CTIF: variants seen among roughly 807,000 people sequenced by gnomAD.
CTIF encodes the protein cap binding complex dependent translation initiation factor.
CTIF carries 21 observed loss-of-function variants against 66.0 expected under a neutral mutation model. The ratio of observed to expected loss-of-function variants is 0.32; its 90% confidence interval spans 0.23 to 0.46. The LOEUF is 0.46. Among genes scored for constraint, CTIF ranks in the 20% least tolerant of loss-of-function variants. CTIF has a pLI of 1.00. For missense variants in CTIF, 739 were observed against 812.7 expected (o/e 0.91, Z 1.10); for synonymous variants, 345 against 326.4 (o/e 1.06, Z -0.62).
chr18:48,655,854 ACACT>A (rs2091239240), intron 3 of CTIF, among the ~76,000 whole-genome samples: 1 of 152,228 alleles, frequency 6.6e-6, no homozygotes, highest in South Asian at 2.1e-4. Context: ...TAGTTTCTAA[ACACT>A]CACAGCCTGG....
chr18:48,849,237 G>A (rs1015172033), intron 10 of CTIF, among the ~76,000 whole-genome samples: 3 of 139,486 alleles, frequency 2.2e-5, no homozygotes, highest in African/African-American at 8.2e-5. Flanking sequence ...TTACTCTGTC[G>A]GTCAGGCAGG....
intron 9 of CTIF, among the ~76,000 whole-genome samples, chr18:48,798,738 T>G (rs4939813): frequency 0.48 from 73,560 of 152,014 alleles, 19,111 homozygotes; most frequent in African/African-American, 0.69. Context: ...GGTGGGAGCA[T>G]TGGGCACCAT....
chr18:48,706,741 T>A (rs943103369), intron 6 of CTIF, among the ~76,000 whole-genome samples: 2 of 152,164 alleles, frequency 1.3e-5, no homozygotes, highest in Non-Finnish European at 2.9e-5. Flanking sequence ...CTCAGTGTCA[T>A]GTCTTCTGCA....
rs767418568 is a variant in CTIF at position 48,758,270 on chromosome 18, C to T, written c.936C>T (p.Pro312=). 13 of 1,613,412 alleles carry T rather than the reference C, an allele frequency of 8.1e-6. No individual in the cohort carries two copies. The highest frequency in any genetic ancestry group is 6.7e-5 in the Admixed American group (4 of 60,004). ...TLAPVASERL[P]PQQSGGPEVE... ...CCCCGGTGGCTTCTGAGCGGCTGCCCCCACAGCAGTCAGGGGGGCCAGAGG... is the reference window on the plus strand; with the variant it reads ...CCCCGGTGGCTTCTGAGCGGCTGCCTCCACAGCAGTCAGGGGGGCCAGAGG... The change falls in exon 8 of 12, where the codon CCC becomes CCT. Residue 312 remains proline, a synonymous_variant. Coordinates refer to ENST00000256413, the MANE Select transcript of CTIF (RefSeq NM_014772.3).
chr18:48,822,324 T>C (rs757050393), intron 10 of CTIF, among the ~76,000 whole-genome samples: 9 of 152,316 alleles, frequency 5.9e-5, no homozygotes, highest in Admixed American at 2.6e-4. Flanking sequence ...ACCTCGAGTA[T>C]TTATCATTTC....
rs1354134586 is a variant in CTIF at position 48,825,512 on chromosome 18, T to A, written c.1527+8136T>A. ...ATTCAATTGCTCACATTGTTTTGGC[T>A]CCAGGGGAAATCTGACCTCGGAAAA... On this transcript the variant is annotated intron_variant, in intron 10 of 11. Transcript: ENST00000256413. Among the ~76,000 whole-genome samples the A allele has an allele frequency of 2.6e-5, 4 of 152,206 alleles. No individual in the cohort carries two copies. The South Asian group carries it at 8.3e-4, about 32-fold the overall frequency.
intron 6 of CTIF, among the ~76,000 whole-genome samples, chr18:48,682,012 C>T (rs1280502501): frequency 6.6e-6 from 1 of 152,046 alleles, no homozygotes; most frequent in Non-Finnish European, 1.5e-5. Context: ...TCTTGAACTC[C>T]TGAGCTCAGG....
At chr18:48,801,526 G>A (rs577091630) in intron 9 of CTIF, among the ~76,000 whole-genome samples, 36 of 152,226 alleles carry the variant, frequency 2.4e-4, no homozygotes, top group Non-Finnish European at 4.7e-4. Context: ...ACCATCTGTG[G>A]CAAAGTTCAA....
At chr18:48,682,217 A>G (rs2091758246) in intron 6 of CTIF, among the ~76,000 whole-genome samples, 1 of 152,180 alleles carries the variant, frequency 6.6e-6, no homozygotes, top group Non-Finnish European at 1.5e-5. Flanking sequence ...TTCCTAGAGC[A>G]CAGCTGCCCC....
chr18:48,701,441 C>G (rs1229461748), intron 6 of CTIF, among the ~76,000 whole-genome samples: 6 of 152,124 alleles, frequency 3.9e-5, no homozygotes, highest in Non-Finnish European at 7.4e-5. Context: ...CAAGTCTTTC[C>G]TGGGTTCATG....
At chr18:48,790,019 G>A (rs1381061535) in intron 9 of CTIF, among the ~76,000 whole-genome samples, 1 of 152,230 alleles carries the variant, frequency 6.6e-6, no homozygotes, top group Non-Finnish European at 1.5e-5. Context: ...GATGATCACA[G>A]CTTCATTGCC....
chr18:48,565,043 T>C (rs2089248583), intron 1 of CTIF: 1 of 152,244 alleles, frequency 6.6e-6, no homozygotes. Context: ...GCATATTAAG[T>C]CAATTTCCTC....
chr18:48,815,057 A>G (rs1413284200), intron 9 of CTIF, among the ~76,000 whole-genome samples: 1 of 152,176 alleles, frequency 6.6e-6, no homozygotes, highest in African/African-American at 2.4e-5. Context: ...GTGGGCTCTG[A>G]TGCACTACTT....
At chr18:48,640,628 C>T (rs764860948) in intron 3 of CTIF, among the ~76,000 whole-genome samples, 2 of 152,220 alleles carry the variant, frequency 1.3e-5, no homozygotes, top group African/African-American at 2.4e-5. Flanking sequence ...TGACTGCCCA[C>T]GTTGGCTGCA....
rs143766666 is a variant in CTIF at position 48,618,999 on chromosome 18, G to A, written c.-28-539G>A. Among the ~76,000 whole-genome samples the A allele has an allele frequency of 1.2e-3, 188 of 152,260 alleles. 1 individual carries two copies. In the South Asian group the frequency reaches 0.016, roughly 13 times the overall value. ...CTGCAAAATCCTGCTTATAAGTTAC[G>A]GCCCATAGGCTTCAACTAATTTAGG... On this transcript the variant is annotated intron_variant, in intron 1 of 11. Coordinates refer to ENST00000256413, the MANE Select transcript of CTIF (RefSeq NM_014772.3).
chr18:48,723,594 G>A (rs1270119717), intron 7 of CTIF, among the ~76,000 whole-genome samples: 1 of 152,130 alleles, frequency 6.6e-6, no homozygotes, highest in African/African-American at 2.4e-5. Flanking sequence ...GGCAGCTCAG[G>A]GGGTGGGGAG....
intron 3 of CTIF, among the ~76,000 whole-genome samples, chr18:48,650,976 C>T (rs1402472214): frequency 6.6e-6 from 1 of 152,162 alleles, no homozygotes; most frequent in Non-Finnish European, 1.5e-5. Context: ...GCCTGCCTTA[C>T]AGGAGCTCCT....
At chr18:48,597,005 C>A (rs1219413025) in intron 1 of CTIF, among the ~76,000 whole-genome samples, 11 of 152,228 alleles carry the variant, frequency 7.2e-5, no homozygotes, top group Non-Finnish European at 4.4e-5. Context: ...TATCTTCCAC[C>A]TCCACTGCAT....
chr18:48,812,721 TG>T (rs2068284317), intron 9 of CTIF, among the ~76,000 whole-genome samples: 1 of 145,056 alleles, frequency 6.9e-6, no homozygotes, highest in Non-Finnish European at 1.5e-5. Context: ...ACCACTGCAC[TG>T]CAGCCTGGGC....
Sources: gnomAD v4.1 joint callset for allele counts (sites outside exome capture counted in the v4.1 genomes callset) on GRCh38, gnomAD v4.1.1 for gene constraint, MANE v1.5 for transcripts, NCBI Gene and HGNC (gene_info 2026-07-23, HGNC 2026-07-21) for gene names.